Variants in CTNNA2 observed in about 807,000 individuals in gnomAD.
CTNNA2 encodes the protein catenin alpha-2.
CTNNA2 carries 42 observed loss-of-function variants against 101.0 expected under a neutral mutation model. The observed-to-expected ratio is 0.42, with a 90% CI of 0.32 to 0.54. CTNNA2 has a LOEUF of 0.54. Among genes scored for constraint, CTNNA2 ranks in the 20% least tolerant of loss-of-function variants. CTNNA2 has a pLI of 0.14. For missense variants in CTNNA2, 871 were observed against 1,223.1 expected (o/e 0.71, Z 4.29); for synonymous variants, 450 against 456.4 (o/e 0.99, Z 0.18).
Position 80,046,930 on chromosome 2 carries a change from G to A in CTNNA2, c.1056+137133G>A, listed in dbSNP as rs139756854. Among the ~76,000 whole-genome samples, 1,354 of 152,272 alleles carry A rather than the reference G, an allele frequency of 8.9e-3. 16 individuals are homozygous for A. Among genetic ancestry groups the A allele is most frequent in the African/African-American group, 0.029 (1,193 of 41,550 alleles). ...CACGGATTCAAATCTAGATCAGCTGGATAATTATTTTTGTGGAATGTTATC... is the reference window on the plus strand; with the variant it reads ...CACGGATTCAAATCTAGATCAGCTGAATAATTATTTTTGTGGAATGTTATC... On this transcript the variant is annotated intron_variant, in intron 7 of 18. Transcript: ENST00000402739.
intron 9 of CTNNA2, among the ~76,000 whole-genome samples, chr2:80,474,768 G>A (rs750343396): frequency 1.3e-5 from 2 of 152,118 alleles, no homozygotes; most frequent in African/African-American, 2.4e-5. Context: ...TGGAAGTGTT[G>A]ACAGGAAATT....
At position 79,596,851 on chromosome 2, in the gene CTNNA2, T is replaced by G. The variant is rs78447581; in HGVS notation, c.-5-54701T>G. On this transcript the variant is annotated intron_variant, in intron 1 of 18. Coordinates refer to ENST00000402739, the MANE Select transcript of CTNNA2 (RefSeq NM_001282597.3). ...GCAGAAACCTTCCAGTGCTCTGCTA[T>G]TCTCCAGGGCTTTTCTTGCAGAAAA... 1.5e-3 allele frequency among the ~76,000 whole-genome samples: 226 copies of G among 152,312 alleles called. 3 individuals carry two copies. In the East Asian group the frequency reaches 0.039, roughly 26 times the overall value.
chr2:80,490,238 A>T (rs1459001325), intron 9 of CTNNA2, among the ~76,000 whole-genome samples: 1 of 151,286 alleles, frequency 6.6e-6, no homozygotes, highest in Admixed American at 6.6e-5. Flanking sequence ...CTAATCTAAA[A>T]ATTTAGATTC....
At chr2:80,633,060 G>A (rs956008577) in intron 18 of CTNNA2, among the ~76,000 whole-genome samples, 2 of 152,128 alleles carry the variant, frequency 1.3e-5, no homozygotes, top group Non-Finnish European at 2.9e-5. Context: ...TCTGTGCTCT[G>A]TAGACTAGTG....
chr2:80,373,974 C>A (rs914514257), intron 7 of CTNNA2, among the ~76,000 whole-genome samples: 9 of 151,996 alleles, frequency 5.9e-5, no homozygotes, highest in Non-Finnish European at 7.4e-5. Context: ...CAAACCTCAA[C>A]AAACCATTAC....
chr2:80,077,604 TAAACAAAACA>T (rs887315045), intron 7 of CTNNA2, among the ~76,000 whole-genome samples: 2 of 147,156 alleles, frequency 1.4e-5, no homozygotes, highest in African/African-American at 2.5e-5. Flanking sequence ...AAAAAAAACA[TAAACAAAACA>T]AAGCAAAACA....
At chr2:79,403,153 G>A (rs1017069706) in intron 4 of CTNNA2, among the ~76,000 whole-genome samples, 1 of 151,750 alleles carries the variant, frequency 6.6e-6, no homozygotes, top group African/African-American at 2.4e-5. Context: ...ATCTAAGGAT[G>A]GGAAATGTTC....
At chr2:79,978,085 C>T (rs1453544655) in intron 7 of CTNNA2, among the ~76,000 whole-genome samples, 11 of 152,082 alleles carry the variant, frequency 7.2e-5, no homozygotes, top group Admixed American at 7.2e-4. Context: ...CACTGAAGTT[C>T]GCATAGGGTA....
intron 1 of CTNNA2, among the ~76,000 whole-genome samples, chr2:79,589,357 G>T (rs1573417835): frequency 2.0e-5 from 3 of 152,212 alleles, no homozygotes; most frequent in Admixed American, 6.5e-5. Context: ...TATCGTAAAA[G>T]AAATAATTGG....
intron 4 of CTNNA2, among the ~76,000 whole-genome samples, chr2:79,463,972 G>A (rs146883109): frequency 6.2e-5 from 8 of 129,896 alleles, no homozygotes; most frequent in South Asian, 2.8e-4. Context: ...CAGCATGGCC[G>A]GGCTTAAAGA....
At chr2:79,590,214 A>G (rs1676758069) in intron 1 of CTNNA2, among the ~76,000 whole-genome samples, 1 of 152,336 alleles carries the variant, frequency 6.6e-6, no homozygotes, top group South Asian at 2.1e-4. Context: ...AACTTTGCTG[A>G]AACATGTATA....
intron 2 of CTNNA2, among the ~76,000 whole-genome samples, chr2:79,723,494 A>C (rs182536963): frequency 6.6e-6 from 1 of 152,200 alleles, no homozygotes; most frequent in Admixed American, 6.5e-5. Flanking sequence ...CTACCTCTTC[A>C]TGAGCTACAT....
At chr2:79,187,272 T>G (rs1186151019) in intron 1 of CTNNA2, among the ~76,000 whole-genome samples, 1 of 98,126 alleles carries the variant, frequency 1.0e-5, no homozygotes, top group South Asian at 3.6e-4. Context: ...TTTCTTTTCT[T>G]TTTTTTTTTT....
At chr2:79,818,978 CTTT>C (rs763868991) in intron 3 of CTNNA2, among the ~76,000 whole-genome samples, 6 of 131,718 alleles carry the variant, frequency 4.6e-5, no homozygotes, top group Non-Finnish European at 4.8e-5. Context: ...TATTCTTTTT[CTTT>C]TTTTTTTTTT....
At chr2:80,411,036 T>C (rs2149394007) in intron 8 of CTNNA2, among the ~76,000 whole-genome samples, 1 of 152,298 alleles carries the variant, frequency 6.6e-6, no homozygotes, top group Non-Finnish European at 1.5e-5. Context: ...CTTATGGATT[T>C]CCATATAAAC....
chr2:80,179,416 C>T (rs1287783766), intron 7 of CTNNA2, among the ~76,000 whole-genome samples: 2 of 152,090 alleles, frequency 1.3e-5, no homozygotes, highest in Non-Finnish European at 2.9e-5. Flanking sequence ...CTCTGTCGCC[C>T]AGGCTGGAGT....
chr2:79,232,822 G>T (rs1674512513), intron 2 of CTNNA2, among the ~76,000 whole-genome samples: 1 of 152,020 alleles, frequency 6.6e-6, no homozygotes, highest in Non-Finnish European at 1.5e-5. Context: ...AAATTTTTAT[G>T]CGTGGAGGTG....
At chr2:79,349,437 C>A (rs1677334335) in intron 3 of CTNNA2, among the ~76,000 whole-genome samples, 1 of 151,986 alleles carries the variant, frequency 6.6e-6, no homozygotes. Flanking sequence ...ATAAATTGCC[C>A]CAAGTGATTC....
chr2:80,001,545 T>G (rs897255530), intron 7 of CTNNA2, among the ~76,000 whole-genome samples: 5 of 152,178 alleles, frequency 3.3e-5, no homozygotes, highest in African/African-American at 1.2e-4. Context: ...GCTGAACATT[T>G]AAGAAATTTT....
Sources: allele counts gnomAD v4.1 joint callset (sites outside exome capture counted in the v4.1 genomes callset), GRCh38; gene constraint gnomAD v4.1.1; transcripts MANE v1.5; gene names NCBI Gene and HGNC (gene_info 2026-07-23, HGNC 2026-07-21).